Variants in PARD3 observed in about 807,000 individuals in gnomAD.
PARD3 encodes the protein par-3 family cell polarity regulator.
PARD3 carries 75 observed loss-of-function variants against 155.4 expected under a neutral mutation model. The observed-to-expected ratio is 0.48, with a 90% CI of 0.40 to 0.58. The LOEUF is 0.58. Ranked by LOEUF, PARD3 falls within the 20% of genes least tolerant of loss-of-function variation. The pLI is 0.00. For synonymous variants in PARD3, 576 were observed against 610.5 expected (o/e 0.94, Z 0.83); for missense variants, 1,642 against 1,721.7 (o/e 0.95, Z 0.82).
chr10:34,392,663 T>C (rs1367200470), intron 7 of PARD3, among the ~76,000 whole-genome samples: 2 of 152,174 alleles, frequency 1.3e-5, no homozygotes, highest in Non-Finnish European at 2.9e-5. Flanking sequence ...ATACTACTAA[T>C]GAGAGTATGG....
At chr10:34,579,139 G>A (rs149896766) in intron 2 of PARD3, among the ~76,000 whole-genome samples, 12 of 151,992 alleles carry the variant, frequency 7.9e-5, no homozygotes, top group Non-Finnish European at 1.8e-4. Context: ...GCATGGTGGC[G>A]TGCGCCTGTA....
chr10:34,466,757 G>T (rs2078031314), intron 4 of PARD3, among the ~76,000 whole-genome samples: 1 of 152,070 alleles, frequency 6.6e-6, no homozygotes, highest in African/African-American at 2.4e-5. Context: ...TAAGCAGCAA[G>T]TATGCTTTCC....
intron 2 of PARD3, among the ~76,000 whole-genome samples, chr10:34,606,734 C>T (rs2090488591): frequency 1.3e-5 from 2 of 151,306 alleles, no homozygotes; most frequent in African/African-American, 2.4e-5. Flanking sequence ...CTTTGGGAGG[C>T]CAAGGCGGGC....
At chr10:34,710,547 T>G (rs760803095) in intron 1 of PARD3, among the ~76,000 whole-genome samples, 5 of 152,216 alleles carry the variant, frequency 3.3e-5, no homozygotes, top group Non-Finnish European at 7.3e-5. Context: ...CCCTTTATCA[T>G]GTGACTGTCC....
chr10:34,324,870 GTAC>G (rs1040794917), intron 19 of PARD3, among the ~76,000 whole-genome samples: 11 of 152,220 alleles, frequency 7.2e-5, no homozygotes, highest in African/African-American at 2.4e-4. Context: ...CTGGATGATT[GTAC>G]TACTATCACA....
chr10:34,230,174 CTG>C (rs1345445197), intron 22 of PARD3, among the ~76,000 whole-genome samples: 17 of 152,096 alleles, frequency 1.1e-4, no homozygotes, highest in African/African-American at 3.9e-4. Context: ...AAATCAAAGA[CTG>C]TAACCAATAA....
At chr10:34,426,681 G>A (rs1173411269) in intron 5 of PARD3, 1 of 152,044 alleles carries the variant, frequency 6.6e-6, no homozygotes, top group East Asian at 1.9e-4. Context: ...TTCTTCACAA[G>A]TACCTCAGTG....
intron 22 of PARD3, among the ~76,000 whole-genome samples, chr10:34,238,705 T>C (rs1953390570): frequency 6.6e-6 from 1 of 152,170 alleles, no homozygotes; most frequent in Non-Finnish European, 1.5e-5. Context: ...GAATAGACAC[T>C]CACTTGGAAG....
intron 2 of PARD3, among the ~76,000 whole-genome samples, chr10:34,600,151 A>G (rs578188834): frequency 1.3e-5 from 2 of 150,470 alleles, no homozygotes; most frequent in South Asian, 4.2e-4. Context: ...CCTGGGCAAC[A>G]TGGTAAAACT....
At chr10:34,415,781 G>A (rs1410150824) in intron 5 of PARD3, among the ~76,000 whole-genome samples, 3 of 152,148 alleles carry the variant, frequency 2.0e-5, no homozygotes, top group Admixed American at 2.0e-4. Context: ...CAACAAAGTG[G>A]TCCTGAACAT....
chr10:34,737,994 TGG>T (rs896130290), intron 1 of PARD3, among the ~76,000 whole-genome samples: 5 of 152,110 alleles, frequency 3.3e-5, no homozygotes, highest in African/African-American at 1.2e-4. Context: ...CAACAGCAGA[TGG>T]GGGCGTCTTG....
At chr10:34,203,782 C>T (rs1186303746) in intron 22 of PARD3, among the ~76,000 whole-genome samples, 3 of 152,154 alleles carry the variant, frequency 2.0e-5, no homozygotes, top group East Asian at 1.9e-4. Flanking sequence ...AGACAAGTAC[C>T]ACCAGGAATC....
intron 2 of PARD3, among the ~76,000 whole-genome samples, chr10:34,606,699 G>A (rs1156525615): frequency 6.6e-6 from 1 of 151,150 alleles, no homozygotes; most frequent in Non-Finnish European, 1.5e-5. Flanking sequence ...GCTGGGCATG[G>A]TGGCTCACGC....
chr10:34,113,687 C>A (rs114493033), intron 24 of PARD3, among the ~76,000 whole-genome samples: 3,282 of 152,198 alleles, frequency 0.022, 122 homozygotes, highest in African/African-American at 0.073. Context: ...AAGCATCCAG[C>A]TGGGCAAGGT....
At chr10:34,420,028 T>C (rs2132409774) in intron 5 of PARD3, among the ~76,000 whole-genome samples, 1 of 152,252 alleles carries the variant, frequency 6.6e-6, no homozygotes, top group South Asian at 2.1e-4. Context: ...CTTGGCATAC[T>C]GCAGCGTCTG....
intron 22 of PARD3, among the ~76,000 whole-genome samples, chr10:34,178,073 A>G (rs981632795): frequency 6.6e-6 from 1 of 152,252 alleles, no homozygotes. Context: ...ACATATATAC[A>G]GGAAAGGTTT....
chr10:34,322,267 A>G (rs139976573), intron 19 of PARD3, among the ~76,000 whole-genome samples: 1 of 152,244 alleles, frequency 6.6e-6, no homozygotes, highest in African/African-American at 2.4e-5. Context: ...CCCTAAAATT[A>G]CCCTATGGAT....
chr10:34,453,185 T>G (rs971950827), intron 4 of PARD3, among the ~76,000 whole-genome samples: 1 of 152,208 alleles, frequency 6.6e-6, no homozygotes, highest in African/African-American at 2.4e-5. Context: ...CATTCTTGCT[T>G]TTTTTGAGAC....
intron 22 of PARD3, among the ~76,000 whole-genome samples, chr10:34,225,651 G>T (rs2133513119): frequency 6.6e-6 from 1 of 152,160 alleles, no homozygotes; most frequent in Admixed American, 6.5e-5. Flanking sequence ...CGGCCAGACT[G>T]GTCTGTTTTA....
Sources: gnomAD v4.1 joint callset for allele counts (sites outside exome capture counted in the v4.1 genomes callset) on GRCh38, gnomAD v4.1.1 for gene constraint, MANE v1.5 for transcripts, NCBI Gene and HGNC (gene_info 2026-07-23, HGNC 2026-07-21) for gene names.